The following GPHN variants were observed in gnomAD, a reference collection of about 807,000 sequenced individuals.
GPHN encodes the protein gephyrin.
A neutral mutation model predicts 95.5 loss-of-function variants in GPHN; 17 were observed. The observed-to-expected ratio is 0.18, with a 90% CI of 0.12 to 0.27. The LOEUF (loss-of-function observed/expected upper bound fraction) is 0.27, where lower values mean the gene tolerates loss of function less well. GPHN is among the 10% of genes least tolerant of loss of function. The pLI is 1.00. For missense variants in GPHN, 660 were observed against 978.1 expected (o/e 0.67, Z 4.34); for synonymous variants, 320 against 322.5 (o/e 0.99, Z 0.08).
At chr14:67,525,455 G>A in the GPHN span, among the ~76,000 whole-genome samples, 2 of 152,126 alleles carry the variant, frequency 1.3e-5, no homozygotes, top group Non-Finnish European at 2.9e-5. Context: ...ATTTCAATTG[G>A]ATCCTTTTCC....
the GPHN span, among the ~76,000 whole-genome samples, chr14:67,328,884 T>C: frequency 6.6e-6 from 1 of 152,212 alleles, no homozygotes; most frequent in Non-Finnish European, 1.5e-5. Flanking sequence ...ACTGTAGCCT[T>C]GTAGTATAGT....
the GPHN span, chr14:67,292,615 G>T: frequency 6.2e-7 from 1 of 1,613,572 alleles, no homozygotes; most frequent in Non-Finnish European, 8.5e-7. Flanking sequence ...TCAAAATAAG[G>T]ATTTCCAGAA....
At chr14:66,899,127 T>TG (rs2065006884) in intron 5 of GPHN, among the ~76,000 whole-genome samples, 2 of 151,536 alleles carry the variant, frequency 1.3e-5, no homozygotes, top group Non-Finnish European at 3.0e-5. Context: ...TTTTTCTTTT[T>TG]TTTTTTTTTG....
At chr14:66,831,931 G>C (rs1025835085) in intron 4 of GPHN, among the ~76,000 whole-genome samples, 2 of 152,116 alleles carry the variant, frequency 1.3e-5, no homozygotes, top group African/African-American at 4.8e-5. Flanking sequence ...TGGATCACTT[G>C]AGGTCAGGAT....
At chr14:67,403,179 T>G in the GPHN span, among the ~76,000 whole-genome samples, 1 of 152,360 alleles carries the variant, frequency 6.6e-6, no homozygotes, top group South Asian at 2.1e-4. Context: ...TCAATGGTGT[T>G]GAGCACTTTT....
intron 1 of GPHN, among the ~76,000 whole-genome samples, chr14:66,666,781 G>A (rs1327815950): frequency 6.6e-6 from 1 of 152,106 alleles, no homozygotes; most frequent in African/African-American, 2.4e-5. Context: ...GGAATTTCTG[G>A]CCAGAGCAAT....
At chr14:67,516,394 GGAGA>G in the GPHN span, among the ~76,000 whole-genome samples, 1 of 123,432 alleles carries the variant, frequency 8.1e-6, no homozygotes, top group African/African-American at 2.6e-5. Context: ...CAACCTAGCT[GGAGA>G]GGGGGGGAAA....
chr14:66,557,237 GTAGA>G (rs201752462), intron 1 of GPHN, among the ~76,000 whole-genome samples: 27,969 of 141,820 alleles, frequency 0.2, 2,862 homozygotes, highest in Non-Finnish European at 0.25. Context: ...ACATAGGTAG[GTAGA>G]TAGATAGATA....
intron 1 of GPHN, among the ~76,000 whole-genome samples, chr14:66,528,868 C>T (rs1176359463): frequency 1.3e-5 from 2 of 152,232 alleles, no homozygotes; most frequent in South Asian, 2.1e-4. Flanking sequence ...GTGGATAACC[C>T]GACCTTTCTC....
intron 17 of GPHN, among the ~76,000 whole-genome samples, chr14:67,125,252 A>G (rs976268649): frequency 1.1e-4 from 17 of 152,298 alleles, no homozygotes; most frequent in African/African-American, 3.6e-4. Flanking sequence ...AATTGTTCTA[A>G]TGGAAATCTG....
At chr14:67,297,334 C>T in the GPHN span, among the ~76,000 whole-genome samples, 2 of 152,166 alleles carry the variant, frequency 1.3e-5, no homozygotes, top group African/African-American at 2.4e-5. Flanking sequence ...GATGCACACA[C>T]ATATCTCATT....
At chr14:67,412,981 C>T in the GPHN span, among the ~76,000 whole-genome samples, 2 of 152,120 alleles carry the variant, frequency 1.3e-5, no homozygotes, top group African/African-American at 4.8e-5. Flanking sequence ...CCAGGCTGGT[C>T]TTGATTCCTG....
intron 17 of GPHN, among the ~76,000 whole-genome samples, chr14:67,131,033 C>T (rs2079669042): frequency 1.3e-5 from 2 of 152,080 alleles, no homozygotes; most frequent in Non-Finnish European, 2.9e-5. Context: ...ACCTATTAGC[C>T]TCCTTTAGTC....
the GPHN span, among the ~76,000 whole-genome samples, chr14:67,487,826 T>C: frequency 6.6e-6 from 1 of 151,576 alleles, no homozygotes; most frequent in Non-Finnish European, 1.5e-5. Flanking sequence ...AGACGGGTCT[T>C]GCTATGTTGA....
chr14:67,022,608 T>TGTA (rs1319488184), intron 9 of GPHN, among the ~76,000 whole-genome samples: 18 of 141,008 alleles, frequency 1.3e-4, no homozygotes, highest in African/African-American at 4.2e-4. Context: ...TGTGTGTGTA[T>TGTA]TTTTCTTGTA....
the GPHN span, chr14:67,582,331 C>T: frequency 6.5e-7 from 1 of 1,532,052 alleles, no homozygotes; most frequent in South Asian, 1.2e-5. This position sits in a 1 kb window ranked among gnomAD's most constrained non-coding sequence, Gnocchi z 5.0. Flanking sequence ...GGCAGCTTTG[C>T]CATCTCTGGG....
chr14:66,806,238 G>C (rs1262603283), intron 3 of GPHN, among the ~76,000 whole-genome samples: 1 of 152,150 alleles, frequency 6.6e-6, no homozygotes, highest in Non-Finnish European at 1.5e-5. Flanking sequence ...AGGGCACCAA[G>C]TCCCTAGACT....
chr14:67,639,240 T>C, the GPHN span, among the ~76,000 whole-genome samples: 3 of 152,250 alleles, frequency 2.0e-5, no homozygotes, highest in Non-Finnish European at 2.9e-5. Flanking sequence ...TATCTGAGTC[T>C]ACATCCTGGT....
chr14:67,334,325 T>G, the GPHN span: 1 of 152,634 alleles, frequency 6.6e-6, no homozygotes, highest in Non-Finnish European at 1.5e-5. Flanking sequence ...GAAACTTAAT[T>G]TGCAGTCTTT....
Sources: gnomAD v4.1 joint callset for allele counts (sites outside exome capture counted in the v4.1 genomes callset) on GRCh38, gnomAD v4.1.1 for gene constraint, Gnocchi (gnomAD v3.1) non-coding constraint, MANE v1.5 for transcripts, NCBI Gene and HGNC (gene_info 2026-07-23, HGNC 2026-07-21) for gene names.